OPCML: variants seen among roughly 807,000 people sequenced by gnomAD.
OPCML encodes the protein opioid-binding protein/cell adhesion molecule.
OPCML carries 13 observed loss-of-function variants against 37.8 expected under a neutral mutation model. The ratio of observed to expected loss-of-function variants is 0.34; its 90% CI spans 0.22 to 0.55. The LOEUF (loss-of-function observed/expected upper bound fraction) is 0.55. Ranked by LOEUF, OPCML falls within the 20% of genes least tolerant of loss-of-function variation. The pLI is 0.91. For synonymous variants in OPCML, 176 were observed against 168.8 expected (o/e 1.04, Z -0.33); for missense variants, 341 against 435.6 (o/e 0.78, Z 1.93).
chr11:132,539,478 C>A (rs936779707), intron 3 of OPCML, among the ~76,000 whole-genome samples: 3 of 152,156 alleles, frequency 2.0e-5, no homozygotes, highest in Admixed American at 6.6e-5. Flanking sequence ...TTTGTAACAG[C>A]AGTTGGGCTA....
At chr11:132,636,447 G>T (rs1940505470) in intron 3 of OPCML, among the ~76,000 whole-genome samples, 1 of 152,206 alleles carries the variant, frequency 6.6e-6, no homozygotes, top group African/African-American at 2.4e-5. Flanking sequence ...ACAGGGCCTA[G>T]AATATAAGGC....
chr11:132,537,705 A>G (rs1454554433), intron 3 of OPCML, among the ~76,000 whole-genome samples: 1 of 152,234 alleles, frequency 6.6e-6, no homozygotes, highest in Non-Finnish European at 1.5e-5. Flanking sequence ...CTGTCAAAAT[A>G]TGTAAAAGCA....
intron 4 of OPCML, among the ~76,000 whole-genome samples, chr11:132,468,379 A>G (rs1453592878): frequency 6.6e-6 from 1 of 152,184 alleles, no homozygotes; most frequent in Non-Finnish European, 1.5e-5. Flanking sequence ...CTGAACAACT[A>G]GTGCCTTTTT....
intron 1 of OPCML, among the ~76,000 whole-genome samples, chr11:133,010,469 T>G (rs1947193848): frequency 6.6e-6 from 1 of 152,214 alleles, no homozygotes; most frequent in Non-Finnish European, 1.5e-5. Flanking sequence ...ATTAAAATAT[T>G]CTTGTAACAC....
chr11:133,088,278 C>G (rs915607831), intron 1 of OPCML, among the ~76,000 whole-genome samples: 1 of 152,170 alleles, frequency 6.6e-6, no homozygotes, highest in Non-Finnish European at 1.5e-5. Flanking sequence ...CTTAAAAGCA[C>G]GGATTGCGAA....
intron 1 of OPCML, among the ~76,000 whole-genome samples, chr11:132,961,513 G>A (rs1033394592): frequency 2.0e-5 from 3 of 152,184 alleles, no homozygotes; most frequent in Non-Finnish European, 2.9e-5. Flanking sequence ...GTAGCAAGGA[G>A]AAGAAAAGTC....
chr11:132,698,330 C>A (rs1016709906), intron 2 of OPCML, among the ~76,000 whole-genome samples: 1 of 152,136 alleles, frequency 6.6e-6, no homozygotes, highest in African/African-American at 2.4e-5. Context: ...TGACAACTGG[C>A]ATTCTAATAG....
chr11:132,763,207 T>C (rs1946326184), intron 2 of OPCML, among the ~76,000 whole-genome samples: 2 of 152,186 alleles, frequency 1.3e-5, no homozygotes, highest in African/African-American at 4.8e-5. Context: ...AGAAATGACC[T>C]GCGTTCTGTG....
At chr11:132,980,067 C>T (rs1413688531) in intron 1 of OPCML, among the ~76,000 whole-genome samples, 1 of 152,148 alleles carries the variant, frequency 6.6e-6, no homozygotes, top group Non-Finnish European at 1.5e-5. Flanking sequence ...AGAAGCCACA[C>T]TATAGTGCCT....
intron 1 of OPCML, among the ~76,000 whole-genome samples, chr11:133,263,598 G>C (rs1941560120): frequency 6.6e-6 from 1 of 152,080 alleles, no homozygotes; most frequent in Non-Finnish European, 1.5e-5. Flanking sequence ...TATCCCCATT[G>C]TTAAGCAGTG....
At chr11:132,742,664 C>T (rs1945469852) in intron 2 of OPCML, among the ~76,000 whole-genome samples, 1 of 151,042 alleles carries the variant, frequency 6.6e-6, no homozygotes, top group African/African-American at 2.4e-5. Flanking sequence ...GTTGTGATGG[C>T]TCATAGTCAT....
intron 4 of OPCML, among the ~76,000 whole-genome samples, chr11:132,508,068 T>C (rs2096261241): frequency 6.6e-6 from 1 of 152,074 alleles, no homozygotes; most frequent in Non-Finnish European, 1.5e-5. Flanking sequence ...TCATACCTAA[T>C]AGAAAACACT....
rs375044481 is a variant in OPCML, at chr11:133,233,757, A to G, written c.62-290747T>C. ...CTGCCCGTAAAAATGTCTAACCTCC[A>G]ATAAAATTTGCATGCTTTTCTCCTG... On this transcript the variant is annotated intron_variant, in intron 1 of 7. Transcript: ENST00000524381. 5.9e-5 allele frequency among the ~76,000 whole-genome samples: 9 copies of G among 152,262 alleles called. No individual in the cohort carries two copies. In the East Asian group the frequency reaches 1.2e-3, roughly 20 times the overall value.
At chr11:133,285,437 T>C (rs979966421) in intron 1 of OPCML, among the ~76,000 whole-genome samples, 40 of 152,172 alleles carry the variant, frequency 2.6e-4, no homozygotes, top group Non-Finnish European at 2.5e-4. Context: ...AGGAGACCCG[T>C]ACGTGGGGAA....
At chr11:132,715,927 T>C (rs1046323415) in intron 2 of OPCML, among the ~76,000 whole-genome samples, 1 of 152,188 alleles carries the variant, frequency 6.6e-6, no homozygotes, top group African/African-American at 2.4e-5. Flanking sequence ...CGATGCTCGA[T>C]AGAAGGCATG....
At chr11:132,833,816 G>A (rs35358784) in intron 2 of OPCML, among the ~76,000 whole-genome samples, 16 of 152,186 alleles carry the variant, frequency 1.1e-4, no homozygotes, top group African/African-American at 3.9e-4. Flanking sequence ...CTGAAACATC[G>A]TTACGCAGCA....
At chr11:133,393,337 A>G (rs536920205) in intron 1 of OPCML, among the ~76,000 whole-genome samples, 1 of 152,312 alleles carries the variant, frequency 6.6e-6, no homozygotes, top group African/African-American at 2.4e-5. Flanking sequence ...GCTCACAGGA[A>G]CCTAACTGTG....
intron 4 of OPCML, among the ~76,000 whole-genome samples, chr11:132,493,343 T>C (rs1592261050): frequency 6.6e-6 from 1 of 152,214 alleles, no homozygotes; most frequent in East Asian, 1.9e-4. Context: ...TGAGATGCTC[T>C]TCCCTTTATA....
At chr11:132,985,432 C>G (rs1387078911) in intron 1 of OPCML, among the ~76,000 whole-genome samples, 1 of 152,208 alleles carries the variant, frequency 6.6e-6, no homozygotes, top group Non-Finnish European at 1.5e-5. Flanking sequence ...AGACACCATC[C>G]TCAGGTTCTT....
Sources: gnomAD v4.1 joint callset for allele counts (sites outside exome capture counted in the v4.1 genomes callset) on GRCh38, gnomAD v4.1.1 for gene constraint, MANE v1.5 for transcripts, NCBI Gene and HGNC (gene_info 2026-07-23, HGNC 2026-07-21) for gene names.